Variants in ATAD2 observed in about 807,000 individuals in gnomAD.
ATAD2 encodes the protein ATPase family AAA domain containing 2.
A neutral mutation model predicts 168.9 loss-of-function variants in ATAD2; 62 were observed. The ratio of observed to expected loss-of-function variants is 0.37; its 90% CI spans 0.30 to 0.45. The LOEUF (loss-of-function observed/expected upper bound fraction) is 0.45. Ranked by LOEUF, ATAD2 falls within the 20% of genes least tolerant of loss-of-function variation. ATAD2 has a pLI of 1.00. For synonymous variants in ATAD2, 613 were observed against 571.6 expected (o/e 1.07, Z -1.03); for missense variants, 1,419 against 1,667.8 (o/e 0.85, Z 2.60).
At position 123,370,938 on chromosome 8, in the gene ATAD2, T is replaced by C. The variant is rs760601259; in HGVS notation, c.692A>G (p.Asp231Gly). Residue 231 changes from aspartate (D) to glycine (G), a missense_variant, in exon 6 of 28, where the codon GAT (aspartate) becomes GGT (glycine). Asp to Gly is a moderately conservative substitution (Grantham distance 94). Around this residue, in one of 5 missense-constraint regions of ATAD2, gnomAD observed 419 missense variants for 423.5 expected, o/e 0.99. Coordinates refer to ENST00000287394, the MANE Select transcript of ATAD2 (RefSeq NM_014109.4). ...TTCTTGATTATCAGTTGTTTCTTCA[T>C]CAGTTCTTTGAATATCTTTCTGTTT... ...RGKQKDIQRT[D>G]EETTDNQEGS... The C allele has an allele frequency of 2.0e-5, 32 of 1,608,312 alleles. No homozygotes were observed. Among genetic ancestry groups the C allele is most frequent in the Non-Finnish European group, 2.5e-5 (29 of 1,176,816 alleles).
At chr8:123,377,090 T>TAAAAAAA (rs1297063054) in intron 2 of ATAD2, among the ~76,000 whole-genome samples, 3 of 618 alleles carry the variant, frequency 4.9e-3, no homozygotes, top group Non-Finnish European at 8.3e-3. Flanking sequence ...AGACTCCGTC[T>TAAAAAAA]CAAAAAAAAA....
At chr8:123,322,843 TAC>T (rs1051990818) in intron 27 of ATAD2, 93 bp downstream of exon 27, 1 of 1,328,072 alleles carries the variant, frequency 7.5e-7, no homozygotes. Context: ...ATCAGTTTCT[TAC>T]ACAGATTAAA....
intron 1 of ATAD2, among the ~76,000 whole-genome samples, chr8:123,406,774 G>A (rs1340649392): frequency 6.8e-6 from 1 of 146,102 alleles, no homozygotes; most frequent in Non-Finnish European, 1.5e-5. Flanking sequence ...CCGAGATCTC[G>A]CCACTGCACT....
At chr8:123,355,176 G>A (rs1007893439) in intron 13 of ATAD2, among the ~76,000 whole-genome samples, 1 of 151,960 alleles carries the variant, frequency 6.6e-6, no homozygotes, top group Non-Finnish European at 1.5e-5. Context: ...ACAGCAATAA[G>A]CAAAATTGTT....
At position 123,402,863 on chromosome 8, in the gene ATAD2, C is replaced by A. The variant is rs992445135; in HGVS notation, c.-2281-1688G>T. ...ATAATAAAAATCAACACACTACACA[C>A]AGCTTCAGGTGCCTCCTCTAAAGAT... On this transcript the variant is annotated intron_variant, in intron 1 of 28. Transcript: ENST00000521903. The surrounding 1 kb of genome is among the most constrained non-coding windows in gnomAD (Gnocchi z 4.8). 1.3e-5 allele frequency among the ~76,000 whole-genome samples: 2 copies of A among 152,078 alleles called. No homozygotes were observed. The highest frequency in any genetic ancestry group is 4.8e-5 in the African/African-American group (2 of 41,396).
intron 1 of ATAD2, among the ~76,000 whole-genome samples, chr8:123,381,938 T>C (rs1829505423): frequency 6.6e-6 from 1 of 151,968 alleles, no homozygotes; most frequent in African/African-American, 2.4e-5. Flanking sequence ...CCCAGCTACT[T>C]GGGAGGCTGA....
chr8:123,396,649 G>A (rs550153890), upstream of ATAD2, among the ~76,000 whole-genome samples: 7 of 152,352 alleles, frequency 4.6e-5, no homozygotes, highest in African/African-American at 1.7e-4. Flanking sequence ...GGAAAACGCT[G>A]ACTTCTTTTT....
At chr8:123,399,404 G>A (rs922812926), upstream of ATAD2, among the ~76,000 whole-genome samples, 2 of 152,138 alleles carry the variant, frequency 1.3e-5, no homozygotes, top group Admixed American at 6.6e-5. Flanking sequence ...GGAACCCTAG[G>A]TTCATGGAGC....
chr8:123,333,853 A>G, intron 24 of ATAD2, 25 bp downstream of exon 24: 3 of 1,564,600 alleles, frequency 1.9e-6, no homozygotes, highest in Non-Finnish European at 2.6e-6. Flanking sequence ...ATAATTTCAT[A>G]AATGAAAACT....
chr8:123,385,218 T>C (rs1246487799), intron 1 of ATAD2, among the ~76,000 whole-genome samples: 1 of 152,220 alleles, frequency 6.6e-6, no homozygotes, highest in South Asian at 2.1e-4. Context: ...TTACATATAG[T>C]AGACATTTCA....
rs953904944 is a variant in ATAD2, at chr8:123,347,309, C to T, written c.1995G>A (p.Leu665=). The change falls in exon 16 of 28, where the codon CTG becomes CTA. Residue 665 remains leucine, a synonymous_variant. Transcript: ENST00000287394. ...YPQIYTTSEK[L]QLDLSSINIS... is the part of the protein sequence containing the mutation. Reference sequence around the variant, plus strand: ...TATTAATTGAAGAGAGATCCAACTGCAGTTTCTCACTAGTGGTATAGATCT... The same window carrying T: ...TATTAATTGAAGAGAGATCCAACTGTAGTTTCTCACTAGTGGTATAGATCT... The T allele has an allele frequency of 6.2e-7, 1 of 1,613,876 alleles. No individual in the cohort carries two copies. The highest frequency in any genetic ancestry group is 1.3e-5 in the African/African-American group (1 of 74,908).
chr8:123,381,309 G>C (rs1376283968), intron 1 of ATAD2, among the ~76,000 whole-genome samples: 2 of 152,076 alleles, frequency 1.3e-5, no homozygotes, highest in South Asian at 2.1e-4. Context: ...GAACAACATG[G>C]GCAACGTGGC....
At chr8:123,408,975 G>T (rs982480137) in intron 1 of ATAD2, among the ~76,000 whole-genome samples, 1 of 151,720 alleles carries the variant, frequency 6.6e-6, no homozygotes, top group Non-Finnish European at 1.5e-5. Context: ...CTACAGGCGC[G>T]TGCCACCACG....
intron 14 of ATAD2, 125 bp from the exon 15 acceptor site, chr8:123,348,398 C>T (rs538017048): frequency 2.6e-5 from 18 of 692,146 alleles, no homozygotes; most frequent in South Asian, 8.5e-5. Context: ...TAATACTGGC[C>T]GGGTGCGGTG....
chr8:123,350,902 T>A (rs1293488919), intron 13 of ATAD2, among the ~76,000 whole-genome samples: 4 of 145,142 alleles, frequency 2.8e-5, no homozygotes, highest in African/African-American at 5.0e-5. Context: ...TTTTTTTGTA[T>A]TTTTTTTTTT....
chr8:123,356,983 A>C (rs953739403), intron 12 of ATAD2, among the ~76,000 whole-genome samples: 1 of 152,186 alleles, frequency 6.6e-6, no homozygotes, highest in African/African-American at 2.4e-5. Flanking sequence ...ATATTTATTG[A>C]ACTATGGAAA....
At chr8:123,347,445 CCAAA>C (rs1828287201) in intron 15 of ATAD2, 39 bp from the exon 16 acceptor site, 1 of 1,511,918 alleles carries the variant, frequency 6.6e-7, no homozygotes, top group Non-Finnish European at 8.9e-7. Context: ...AACCAGCCGA[CCAAA>C]CAAAGAAACA....
chr8:123,360,440 C>T (rs1828780093), intron 9 of ATAD2, among the ~76,000 whole-genome samples: 1 of 152,130 alleles, frequency 6.6e-6, no homozygotes, highest in Non-Finnish European at 1.5e-5. Context: ...CTCCTGGGTT[C>T]AAGCTATTCT....
intron 2 of ATAD2, among the ~76,000 whole-genome samples, chr8:123,373,121 T>C (rs1829198160): frequency 6.6e-6 from 1 of 151,660 alleles, no homozygotes; most frequent in African/African-American, 2.4e-5. Context: ...CTCGATCTCC[T>C]GACCTCATGA....
Sources: allele counts gnomAD v4.1 joint callset (sites outside exome capture counted in the v4.1 genomes callset), GRCh38; gene constraint gnomAD v4.1.1; regional missense constraint gnomAD v4.1.1; non-coding constraint Gnocchi (gnomAD v3.1); transcripts MANE v1.5; gene names NCBI Gene and HGNC (gene_info 2026-07-23, HGNC 2026-07-21).